Variants in MAP1A observed in about 807,000 individuals in gnomAD.
MAP1A encodes the protein microtubule associated protein 1A, also known as microtubule-associated protein 1A.
Under a neutral mutation model 185.9 loss-of-function variants are expected in MAP1A, and 42 were observed. The ratio of observed to expected loss-of-function variants is 0.23; its 90% CI spans 0.18 to 0.29. The LOEUF (loss-of-function observed/expected upper bound fraction) is 0.29, where lower values mean the gene tolerates loss of function less well. MAP1A is among the 10% of genes least tolerant of loss of function. The probability of loss-of-function intolerance (pLI) is 1.00; values close to 1 mark genes in which losing one functional copy is unlikely to be tolerated. For synonymous variants in MAP1A, 1,229 were observed against 1,335.9 expected, an observed-to-expected ratio of 0.92 and a Z score of 1.74; for missense variants, 2,995 against 3,450.4, an observed-to-expected ratio of 0.87 and a Z score of 3.31.
chr15:43,511,083 A>G (rs2079274272), exon 1 of MAP1A: 10 of 1,550,064 alleles, frequency 6.5e-6, no homozygotes, highest in Non-Finnish European at 8.7e-6. Context: ...CCGCTGGCTC[A>G]GAACCCCGCG....
chr15:43,513,521 C>T (rs902354163), upstream of MAP1A, among the ~76,000 whole-genome samples: 1 of 152,196 alleles, frequency 6.6e-6, no homozygotes, highest in Non-Finnish European at 1.5e-5. Flanking sequence ...CCTTAATTAT[C>T]TCTCCTCCTT....
upstream of MAP1A, among the ~76,000 whole-genome samples, chr15:43,516,799 C>T (rs191843685): frequency 6.8e-4 from 104 of 152,316 alleles, no homozygotes; most frequent in African/African-American, 2.4e-3. Context: ...GGCCTACAAC[C>T]TTGCTTGGGC....
rs1215994201 is a variant in MAP1A at position 43,517,667 on chromosome 15, C to T, written c.-408C>T. 2.1e-5 allele frequency: 21 copies of T among 983,960 alleles called. No individual in the cohort carries two copies. In the South Asian group the frequency reaches 2.4e-4, roughly 11 times the overall value. 61.0% of individuals were successfully genotyped at this position (983,960 alleles called of 1,614,324 possible). ...AGCTGCCGGCTGAGGCCGGAGCTGCCGCCTCCATGAGAGGCTTCCTCCTAC... is the reference window on the plus strand; with the variant it reads ...AGCTGCCGGCTGAGGCCGGAGCTGCTGCCTCCATGAGAGGCTTCCTCCTAC... On this transcript the variant is annotated 5_prime_UTR_variant, in exon 1 of 6. Transcript: ENST00000300231.
chr15:43,527,408 C>T lies in MAP1A; in HGVS notation c.5935C>T (p.Leu1979Phe), dbSNP rs2079349715. ...CTATGAGCAGATGATGCTTACTGGGCTTGGCCCTGCATGCCCCACTAGAGA... is the reference window on the plus strand; with the variant it reads ...CTATGAGCAGATGATGCTTACTGGGTTTGGCCCTGCATGCCCCACTAGAGA... ...DIYEQMMLTG[L>F]GPACPTREPP... is the part of the protein sequence containing the mutation. The change falls in exon 4 of 6, where the codon CTT (leucine) becomes TTT (phenylalanine). Residue 1979 changes from leucine to phenylalanine, a missense_variant. This residue lies in a region of MAP1A where 2,728 missense variants were observed against 2,986.0 expected (regional missense o/e 0.91). Coordinates refer to ENST00000300231, the MANE Select transcript of MAP1A (RefSeq NM_002373.6). 1.2e-6 allele frequency: 2 copies of T among 1,614,098 alleles called. No homozygotes were observed. The highest frequency in any genetic ancestry group is 4.5e-5 in the East Asian group (2 of 44,902).
rs2140210649 is a variant in MAP1A, at chr15:43,528,327, A to G, written c.6854A>G (p.Glu2285Gly). The G allele has an allele frequency of 6.2e-7, 1 of 1,614,072 alleles. No homozygotes were observed. The highest frequency in any genetic ancestry group is 2.2e-5 in the East Asian group (1 of 44,878). The change falls in exon 4 of 6, where the codon GAG (glutamate) becomes GGG (glycine). Residue 2285 changes from glutamate to glycine, a missense_variant. Around this residue, in one of 3 missense-constraint regions of MAP1A, gnomAD observed 2,728 missense variants for 2,986.0 expected, o/e 0.91. Coordinates refer to ENST00000300231, the MANE Select transcript of MAP1A (RefSeq NM_002373.6). The stretch of plus-strand genomic sequence containing the variant: ...CCAAGCCTTGAGGCTGCAGAACAGG[A>G]GTCTGGAGAGCTGGACCCAGGAATG... ...FSPSLEAAEQ[E>G]SGELDPGMEP...
At chr15:43,515,693 T>C (rs937482895), upstream of MAP1A, among the ~76,000 whole-genome samples, 1 of 152,220 alleles carries the variant, frequency 6.6e-6, no homozygotes, top group Non-Finnish European at 1.5e-5. Context: ...ACTCATTTCA[T>C]AGTTTATGAA....
In MAP1A at chr15:43,524,657, G is replaced by A; in HGVS notation, c.3184G>A (p.Glu1062Lys). The A allele has an allele frequency of 6.2e-7, 1 of 1,614,182 alleles. No homozygotes were observed. Among genetic ancestry groups the A allele is most frequent in the Non-Finnish European group, 8.5e-7 (1 of 1,180,020 alleles). ...GPEEGTLEKE[E>K]KVPPPRSPQA... ...TGAAGAGGGCACACTAGAGAAGGAA[G>A]AGAAAGTTCCTCCTCCCAGGAGCCC... The change falls in exon 4 of 6, where the codon GAG (glutamate) becomes AAG (lysine). Residue 1062 changes from glutamate to lysine, a missense_variant. By Grantham distance (56) the Glu-to-Lys change is moderately conservative. Coordinates refer to ENST00000300231, the MANE Select transcript of MAP1A (RefSeq NM_002373.6).
Position 43,521,167 on chromosome 15 carries a change from G to A in MAP1A, c.-151+55G>A. ...AAGGGTAGCACTAGAGCTGTGGGAG[G>A]GATCTAAGGGAAAGTCTCATATTGC... On this transcript the variant is annotated intron_variant, in intron 3 of 5. Transcript: ENST00000300231. This position sits in a 1 kb window ranked among gnomAD's most constrained non-coding sequence, Gnocchi z 4.6. 1.3e-6 allele frequency: 2 copies of A among 1,506,842 alleles called. No homozygotes were observed. Among genetic ancestry groups the A allele is most frequent in the Non-Finnish European group, 8.8e-7 (1 of 1,130,986 alleles). The allele number at this position is 1,506,842 out of a possible 1,614,324, so 93.3% of individuals were successfully genotyped here. A position where few individuals can be genotyped will look rare whatever the true frequency, so the allele number is the denominator to read the frequency against.
rs1296852729 is a variant in MAP1A, at chr15:43,524,296, AGAG to A, written c.2830_2832del (p.Glu944del). 12 of 1,614,112 alleles carry A rather than the reference AGAG, an allele frequency of 7.4e-6. No individual in the cohort carries two copies. Among genetic ancestry groups the A allele is most frequent in the Non-Finnish European group, 1.0e-5 (12 of 1,180,042 alleles). ...CTGGAGAGAGAGCTGTGGAAGAGGAAGAGGAGGAGACAGCAAACGTAGAGATGT... is the reference window on the plus strand; with the variant it reads ...CTGGAGAGAGAGCTGTGGAAGAGGAAGAGGAGACAGCAAACGTAGAGATGT... On this transcript the variant is annotated inframe_deletion, in exon 4 of 6. Transcript: ENST00000300231.
chr15:43,530,353 C>A lies in MAP1A; in HGVS notation c.*129C>A. 8.1e-7 allele frequency: 1 copy of A among 1,234,548 alleles called. No homozygotes were observed. The highest frequency in any genetic ancestry group is 1.1e-6 in the Non-Finnish European group (1 of 893,572). The allele number at this position is 1,234,548 out of a possible 1,614,324, so 76.5% of individuals were successfully genotyped here. On this transcript the variant is annotated 3_prime_UTR_variant, in exon 6 of 6. Coordinates refer to ENST00000300231, the MANE Select transcript of MAP1A (RefSeq NM_002373.6). Reference sequence around the variant, plus strand: ...GGAGGGAGATGTCTTGTTGTGGGGACTTGGGCTGGGCTAAATGGGAGGGGT... The same window carrying A: ...GGAGGGAGATGTCTTGTTGTGGGGAATTGGGCTGGGCTAAATGGGAGGGGT...
intron 1 of MAP1A, among the ~76,000 whole-genome samples, chr15:43,518,524 A>C (rs1432710944): frequency 6.6e-6 from 1 of 151,652 alleles, no homozygotes; most frequent in Non-Finnish European, 1.5e-5. Context: ...CCCCCCATGC[A>C]GAAGCAGCCA....
At chr15:43,519,919 T>C (rs897943537) in intron 1 of MAP1A, among the ~76,000 whole-genome samples, 3 of 152,286 alleles carry the variant, frequency 2.0e-5, no homozygotes, top group Middle Eastern at 3.4e-3. Flanking sequence ...CTTTGGGACA[T>C]GAAGATCAGG....
In MAP1A at chr15:43,524,449, G is replaced by A; in HGVS notation, c.2976G>A (p.Val992=). The A allele has an allele frequency of 1.9e-6, 3 of 1,614,202 alleles. No homozygotes were observed. Among genetic ancestry groups the A allele is most frequent in the Non-Finnish European group, 2.5e-6 (3 of 1,180,032 alleles). ...GCCTTAGCCCAGATGACAGCACAGT[G>A]AAGATGGCTTCTCCTCCACCATCTG... The part of the protein sequence containing the change: ...ERCLSPDDST[V]KMASPPPSGP... Residue 992 remains valine (V), a synonymous_variant, in exon 4 of 6, where the codon GTG becomes GTA. Transcript: ENST00000300231.
Position 43,524,587 on chromosome 15 carries a change from T to C in MAP1A, c.3114T>C (p.Gly1038=), listed in dbSNP as rs2079334259. ...GGGGAGACACTAAGCGCACACCAGG[T>C]GTGGGCAAAGAAGATGCTGCTGAGG... ...DSWGDTKRTP[G]VGKEDAAEET... Residue 1038 remains glycine, a synonymous_variant, in exon 4 of 6, where the codon GGT becomes GGC. Coordinates refer to ENST00000300231, the MANE Select transcript of MAP1A (RefSeq NM_002373.6). 2.5e-6 allele frequency: 4 copies of C among 1,613,934 alleles called. No homozygotes were observed. The highest frequency in any genetic ancestry group is 3.4e-6 in the Non-Finnish European group (4 of 1,179,992).
rs773414815 is a variant in MAP1A, at chr15:43,525,136, C to T, written c.3663C>T (p.Ser1221=). The stretch of plus-strand genomic sequence containing the variant: ...CTTCTAAGCAGCTCTCTCCAGAAAG[C>T]CTTGGCACCCTCCAGTTTGGGGAAC... ...DVSSKQLSPE[S]LGTLQFGELN... is the part of the protein sequence containing the mutation. Residue 1221 remains serine, a synonymous_variant, in exon 4 of 6, where the codon AGC becomes AGT. Transcript: ENST00000300231. 5.5e-5 allele frequency: 88 copies of T among 1,614,098 alleles called. No individual in the cohort carries two copies. The highest frequency in any genetic ancestry group is 7.0e-5 in the Non-Finnish European group (83 of 1,180,048).
chr15:43,513,992 G>A (rs2079290475), upstream of MAP1A, among the ~76,000 whole-genome samples: 1 of 152,188 alleles, frequency 6.6e-6, no homozygotes, highest in Admixed American at 6.5e-5. Context: ...CTGGAATAAT[G>A]TAAGAAATGA....
In MAP1A at chr15:43,526,639, T is replaced by C; in HGVS notation, c.5166T>C (p.Thr1722=). 6.2e-7 allele frequency: 1 copy of C among 1,614,014 alleles called. No homozygotes were observed. Among genetic ancestry groups the C allele is most frequent in the Non-Finnish European group, 8.5e-7 (1 of 1,179,998 alleles). The change falls in exon 4 of 6, where the codon ACT becomes ACC. Residue 1722 remains threonine, a synonymous_variant. Transcript: ENST00000300231. This position sits in a 1 kb window ranked among gnomAD's most constrained non-coding sequence, Gnocchi z 4.7. ...GCCAGGGGGCCCGCCCACACTACAC[T>C]GAGGAACGGGAAAGCACTTTCCTAG... ...LDGQGARPHY[T]EERESTFLDE... is the part of the protein sequence containing the mutation.
intron 1 of MAP1A, among the ~76,000 whole-genome samples, chr15:43,518,955 T>A (rs550850185): frequency 3.1e-4 from 47 of 152,174 alleles, no homozygotes; most frequent in African/African-American, 1.1e-3. Flanking sequence ...GGAACTGGGA[T>A]CATAGAAGTC....
upstream of MAP1A, among the ~76,000 whole-genome samples, chr15:43,517,006 A>C (rs2079299920): frequency 6.6e-6 from 1 of 152,132 alleles, no homozygotes; most frequent in Non-Finnish European, 1.5e-5. Flanking sequence ...GCCCCACCCC[A>C]ACAGGCTAGG....
Sources: gnomAD v4.1 joint callset for allele counts (sites outside exome capture counted in the v4.1 genomes callset) on GRCh38, gnomAD v4.1.1 for gene constraint, gnomAD v4.1.1 regional missense constraint, Gnocchi (gnomAD v3.1) non-coding constraint, MANE v1.5 for transcripts, NCBI Gene and HGNC (gene_info 2026-07-23, HGNC 2026-07-21) for gene names.